Variants in TDRD12 observed in about 807,000 individuals in gnomAD.
The protein encoded by TDRD12 is tudor domain containing 12.
In TDRD12, 158 loss-of-function variants were observed where a neutral mutation model predicts 133.5. The observed-to-expected ratio is 1.18, with a 90% CI of 1.04 to 1.35. The LOEUF is 1.35. TDRD12 is among the 40% of genes most tolerant of loss of function. The probability of loss-of-function intolerance (pLI) is 0.00; values close to 1 mark genes in which losing one functional copy is unlikely to be tolerated. For missense variants in TDRD12, 1,443 were observed against 1,321.3 expected (o/e 1.09, Z -1.43); for synonymous variants, 460 against 477.9 (o/e 0.96, Z 0.49).
chr19:32,797,170 GGGGTTTC>G (rs879484246), intron 14 of TDRD12, among the ~76,000 whole-genome samples: 16,177 of 151,910 alleles, frequency 0.11, 1,072 homozygotes, highest in Middle Eastern at 0.17. Flanking sequence ...TAGTAGAGAT[GGGGTTTC>G]ACCATATTGG....
At chr19:32,749,482 G>T (rs913334140) in intron 5 of TDRD12, among the ~76,000 whole-genome samples, 2 of 152,144 alleles carry the variant, frequency 1.3e-5, no homozygotes, top group African/African-American at 4.8e-5. Context: ...GCTGCACTCC[G>T]TGGGGCTTTG....
At chr19:32,813,694 A>G (rs1408833850) in exon 25 of TDRD12, 1 of 1,527,382 alleles carries the variant, frequency 6.5e-7, no homozygotes, top group Non-Finnish European at 8.8e-7. Context: ...GTTACTAGGT[A>G]CATTCATCAT....
Position 32,745,899 on chromosome 19 carries a change from A to T in TDRD12, c.441-2577A>T, listed in dbSNP as rs1028794989. Among the ~76,000 whole-genome samples the T allele has an allele frequency of 2.6e-5, 3 of 117,438 alleles. No individual in the cohort carries two copies. In the Admixed American group the frequency reaches 2.6e-4, roughly 10 times the overall value. 77.0% of individuals were successfully genotyped at this position (117,438 alleles called of 152,430 possible). On this transcript the variant is annotated intron_variant, in intron 4 of 27. Coordinates refer to ENST00000444215, the Ensembl canonical transcript of TDRD12. ...GGCTGATGTGGTTATTCTGTGTGTG[A>T]CAGAGAGTGGGAGAGAGACTGGCTG...
At chr19:32,720,216 C>T in intron 1 of TDRD12, 120 bp downstream of exon 1, 2 of 1,154,774 alleles carry the variant, frequency 1.7e-6, no homozygotes, top group Non-Finnish European at 2.4e-6. Context: ...CACCGCAGCC[C>T]CGCACAGCCT....
At chr19:32,817,980 A>AG in intron 26 of TDRD12, 109 bp from the exon 27 acceptor site, 1 of 683,036 alleles carries the variant, frequency 1.5e-6, no homozygotes, top group Non-Finnish European at 2.6e-6. Flanking sequence ...AAAAAAAAAA[A>AG]AAAAGTGTTT....
downstream of TDRD12, chr19:32,824,030 T>C (rs950838764): frequency 1.3e-5 from 2 of 152,422 alleles, no homozygotes; most frequent in African/African-American, 4.8e-5. Context: ...AGATGTCCAC[T>C]GCAGCCACCA....
chr19:32,793,217 A>G (rs1050233830), intron 13 of TDRD12, among the ~76,000 whole-genome samples: 2 of 152,064 alleles, frequency 1.3e-5, no homozygotes, highest in Admixed American at 1.3e-4. Context: ...AATAATTCTG[A>G]TGAAAAGCTC....
Position 32,827,162 on chromosome 19 carries a change from A to C in TDRD12, c.1050-2A>C. 8.3e-7 allele frequency: 1 copy of C among 1,210,640 alleles called. No homozygotes were observed. The highest frequency in any genetic ancestry group is 3.2e-5 in the East Asian group (1 of 31,606). The allele number at this position is 1,210,640 out of a possible 1,614,324, so 75.0% of individuals were successfully genotyped here. ...ATTTGTTATAATATCTTACTCCTTT[A>C]GTAGTGAATTCTAAAAACCTGCCGT... On this transcript the variant is annotated splice_acceptor_variant, in intron 9 of 9. Coordinates refer to the TDRD12 transcript ENST00000637289. LOFTEE classifies it high-confidence loss of function.
chr19:32,817,895 G>A lies in TDRD12; in HGVS notation c.3315-194G>A, dbSNP rs972641213. ...AATTCCCCAGTCTCTTGCTCTCTGC[G>A]TCTCCTCTGGCCCAGCCCACCCAGG... On this transcript the variant is annotated intron_variant, in intron 26 of 27. Transcript: ENST00000444215. 3.3e-4 allele frequency among the ~76,000 whole-genome samples: 45 copies of A among 136,242 alleles called. 1 individual carries two copies. Among genetic ancestry groups the A allele is most frequent in the Admixed American group, 2.2e-3 (29 of 13,356 alleles). 89.4% of individuals were successfully genotyped at this position (136,242 alleles called of 152,430 possible). A position where few individuals can be genotyped will look rare whatever the true frequency, so the allele number is the denominator to read the frequency against.
At chr19:32,768,132 C>T (rs1363213441) in intron 8 of TDRD12, among the ~76,000 whole-genome samples, 1 of 152,114 alleles carries the variant, frequency 6.6e-6, no homozygotes, top group African/African-American at 2.4e-5. Context: ...GGCCACCTGT[C>T]CCACAATCCC....
downstream of TDRD12, among the ~76,000 whole-genome samples, chr19:32,823,472 C>G (rs1032248251): frequency 2.0e-5 from 3 of 152,108 alleles, no homozygotes; most frequent in African/African-American, 7.2e-5. Context: ...GGTCCAAACC[C>G]AGGTTCTTCA....
chr19:32,724,187 C>T (rs1342469314), intron 1 of TDRD12, among the ~76,000 whole-genome samples: 1 of 152,116 alleles, frequency 6.6e-6, no homozygotes, highest in Non-Finnish European at 1.5e-5. Flanking sequence ...TTTCCAATTT[C>T]CATTTCTGGA....
At position 32,810,286 on chromosome 19, in the gene TDRD12, T is replaced by G. The variant is rs1221702385; in HGVS notation, c.2837+9T>G. 5.4e-6 allele frequency: 8 copies of G among 1,492,770 alleles called. No homozygotes were observed. The Admixed American group carries it at 1.6e-4, about 31-fold the overall frequency. The allele number at this position is 1,492,770 out of a possible 1,614,324, so 92.5% of individuals were successfully genotyped here. A position where few individuals can be genotyped will look rare whatever the true frequency, so the allele number is the denominator to read the frequency against. The stretch of plus-strand genomic sequence containing the variant: ...AAAACGCTTTTTCACAGGTAACACA[T>G]CTGTTTACTTCATCTGTAAAGTTTT... On this transcript the variant is annotated intron_variant, in intron 23 of 27. Coordinates refer to ENST00000444215, the Ensembl canonical transcript of TDRD12.
At chr19:32,742,010 A>G (rs1969442939) in intron 3 of TDRD12, among the ~76,000 whole-genome samples, 2 of 152,236 alleles carry the variant, frequency 1.3e-5, no homozygotes, top group South Asian at 4.1e-4. Context: ...GCAAATACTA[A>G]TTATTAAACC....
At chr19:32,805,188 AAT>A (rs1191018442) in intron 21 of TDRD12, among the ~76,000 whole-genome samples, 1,606 of 89,540 alleles carry the variant, frequency 0.018, 28 homozygotes, top group African/African-American at 0.069. Context: ...TAACATATAT[AAT>A]ATATATATAC....
chr19:32,786,122 C>T (rs546217366), intron 11 of TDRD12, among the ~76,000 whole-genome samples: 1 of 152,236 alleles, frequency 6.6e-6, no homozygotes, highest in African/African-American at 2.4e-5. Flanking sequence ...GAAGGCAGGC[C>T]TGGTGGTGAC....
chr19:32,743,383 C>T (rs1025418503), intron 4 of TDRD12, among the ~76,000 whole-genome samples: 7 of 151,132 alleles, frequency 4.6e-5, no homozygotes, highest in African/African-American at 1.5e-4. Context: ...TCCCTCTCCC[C>T]ACCGCCCCTC....
At chr19:32,739,054 A>G in intron 3 of TDRD12, 62 bp downstream of exon 3, 1 of 1,537,100 alleles carries the variant, frequency 6.5e-7, no homozygotes, top group Non-Finnish European at 8.8e-7. Flanking sequence ...TTCAAAGGAG[A>G]ACGTCCATTT....
chr19:32,763,772 G>A (rs1456982352), intron 8 of TDRD12, among the ~76,000 whole-genome samples: 1 of 152,142 alleles, frequency 6.6e-6, no homozygotes, highest in Non-Finnish European at 1.5e-5. Context: ...CAAATTGTCA[G>A]TTTACAGTTC....
Sources: gnomAD v4.1 joint callset for allele counts (sites outside exome capture counted in the v4.1 genomes callset) on GRCh38, gnomAD v4.1.1 for gene constraint, MANE v1.5 for transcripts, NCBI Gene and HGNC (gene_info 2026-07-23, HGNC 2026-07-21) for gene names.